The following DOCK7 variants were observed in gnomAD, a reference collection of about 807,000 sequenced individuals.
DOCK7 encodes the protein dedicator of cytokinesis protein 7.
A neutral mutation model predicts 271.0 loss-of-function variants in DOCK7; 138 were observed. That is an observed-to-expected ratio of 0.51 (90% CI 0.44 to 0.59). DOCK7 has a LOEUF of 0.59. Among genes scored for constraint, DOCK7 ranks in the 20% least tolerant of loss-of-function variants. DOCK7 has a pLI of 0.00. For missense variants in DOCK7, 2,066 were observed against 2,592.4 expected, an observed-to-expected ratio of 0.80 and a Z score of 4.41; for synonymous variants, 823 against 876.1, an observed-to-expected ratio of 0.94 and a Z score of 1.07.
chr1:62,550,875 C>T (rs942378773), intron 22 of DOCK7, among the ~76,000 whole-genome samples: 81 of 152,126 alleles, frequency 5.3e-4, no homozygotes, highest in Admixed American at 2.5e-3. Flanking sequence ...CATCTGCCGC[C>T]GTGCCTGGCT....
intron 1 of DOCK7, among the ~76,000 whole-genome samples, chr1:62,681,626 C>T (rs1432863115): frequency 6.6e-6 from 1 of 150,854 alleles, no homozygotes; most frequent in Admixed American, 6.6e-5. Flanking sequence ...CCTAGAGAAA[C>T]TCATGCATAT....
At chr1:62,652,845 T>C (rs1468860958) in intron 4 of DOCK7, among the ~76,000 whole-genome samples, 1 of 152,192 alleles carries the variant, frequency 6.6e-6, no homozygotes, top group Non-Finnish European at 1.5e-5. Context: ...ACAGCTCTTC[T>C]ATATAAAGGG....
At chr1:62,625,453 T>G in intron 11 of DOCK7, 52 bp from the exon 12 acceptor site, 1 of 1,529,578 alleles carries the variant, frequency 6.5e-7, no homozygotes, top group East Asian at 2.3e-5. Context: ...AAATTTTGTT[T>G]TAAAGTAGCT....
intron 1 of DOCK7, among the ~76,000 whole-genome samples, chr1:62,670,940 T>C (rs943336874): frequency 6.6e-5 from 10 of 152,174 alleles, no homozygotes; most frequent in African/African-American, 2.4e-4. Context: ...ACGCTGCTTT[T>C]ATGAGCTGTA....
intron 31 of DOCK7, among the ~76,000 whole-genome samples, chr1:62,526,259 T>C (rs539674145): frequency 2.0e-5 from 3 of 152,172 alleles, no homozygotes; most frequent in African/African-American, 4.8e-5. Flanking sequence ...AAGATTTGAA[T>C]AGACTTTTCT....
chr1:62,477,777 C>T lies in DOCK7; in HGVS notation c.5557G>A (p.Gly1853Arg), dbSNP rs763417110. The T allele has an allele frequency of 1.8e-5, 29 of 1,611,430 alleles. No homozygotes were observed. The highest frequency in any genetic ancestry group is 1.3e-4 in the East Asian group (6 of 44,732). ...FRVGFYGTKF[G>R]DLDEQEFVYK... ...ACAAATTCTTGTTCATCCAAATCCC[C>T]GAACTTGGTTCCATAAAAACCAACA... Residue 1853 changes from glycine (G) to arginine (R), a missense_variant, in exon 44 of 50, where the codon GGG becomes AGG. Around this residue, in one of 2 missense-constraint regions of DOCK7, gnomAD observed 652 missense variants for 922.1 expected, o/e 0.71. Transcript: ENST00000635253.
chr1:62,475,952 GAA>G lies in DOCK7; in HGVS notation c.5725-11_5725-10del. 1 of 1,608,088 alleles carries G rather than the reference GAA, an allele frequency of 6.2e-7. No individual in the cohort carries two copies. Among genetic ancestry groups the G allele is most frequent in the African/African-American group, 1.3e-5 (1 of 74,642 alleles). On this transcript the variant is annotated splice_polypyrimidine_tract_variant and intron_variant, in intron 45 of 49. Transcript: ENST00000635253. ...GTAATCTGAATATATGCCTAGGAAA[GAA>G]AAAAGTCCTTCATTTCCTCACTGTT...
chr1:62,568,973 CAAGT>C (rs1250915162), intron 18 of DOCK7, among the ~76,000 whole-genome samples: 2 of 152,044 alleles, frequency 1.3e-5, no homozygotes, highest in Non-Finnish European at 1.5e-5. Context: ...CACCTCTCTG[CAAGT>C]AAGTTAGAAA....
chr1:62,602,176 T>G, intron 14 of DOCK7: 1 of 886,858 alleles, frequency 1.1e-6, no homozygotes. Flanking sequence ...ATAACATTAA[T>G]AAACTACCTT....
At chr1:62,582,977 A>G (rs1024606317) in intron 16 of DOCK7, among the ~76,000 whole-genome samples, 3 of 152,266 alleles carry the variant, frequency 2.0e-5, no homozygotes, top group Admixed American at 1.3e-4. Flanking sequence ...AGAGAATTCG[A>G]TAGAAAAGAT....
At position 62,586,628 on chromosome 1, in the gene DOCK7, T is replaced by C. The variant is rs760576100; in HGVS notation, c.1683-4A>G. 2.9e-5 allele frequency: 45 copies of C among 1,550,566 alleles called. No individual in the cohort carries two copies. The highest frequency in any genetic ancestry group is 3.6e-6 in the Non-Finnish European group (4 of 1,125,242). On this transcript the variant is annotated splice_region_variant and splice_polypyrimidine_tract_variant and intron_variant, in intron 14 of 49. Coordinates refer to ENST00000635253, the MANE Select transcript of DOCK7 (RefSeq NM_001367561.1). The stretch of plus-strand genomic sequence containing the variant: ...AGGGTATATGTAGAGAAGATTTCTG[T>C]GAAAGCAACAGTATAGATGATAGTA...
intron 14 of DOCK7, among the ~76,000 whole-genome samples, chr1:62,590,301 A>C (rs1648245205): frequency 6.6e-6 from 1 of 152,340 alleles, no homozygotes; most frequent in Middle Eastern, 3.4e-3. Context: ...GAATTTTGGA[A>C]GTCTTTTAAA....
intron 4 of DOCK7, among the ~76,000 whole-genome samples, chr1:62,650,007 G>C (rs1283296273): frequency 6.6e-6 from 1 of 152,082 alleles, no homozygotes; most frequent in African/African-American, 2.4e-5. Flanking sequence ...CCCAACACTT[G>C]GGGAGGCTGA....
At chr1:62,677,175 C>T (rs1660628378) in intron 1 of DOCK7, among the ~76,000 whole-genome samples, 2 of 152,162 alleles carry the variant, frequency 1.3e-5, no homozygotes, top group South Asian at 4.1e-4. Context: ...AGAAACCCTT[C>T]TTTGGTAAGG....
chr1:62,620,375 A>G (rs944352377), intron 12 of DOCK7, among the ~76,000 whole-genome samples: 6 of 151,784 alleles, frequency 4.0e-5, no homozygotes, highest in Non-Finnish European at 7.4e-5. Flanking sequence ...ATAAATTTAT[A>G]GTTTGTTAGT....
chr1:62,625,513 T>C, intron 11 of DOCK7, 112 bp from the exon 12 acceptor site: 1 of 1,046,366 alleles, frequency 9.6e-7, no homozygotes, highest in South Asian at 1.7e-5. Flanking sequence ...CCACTCAGCA[T>C]ATCAAGTATA....
At position 62,529,458 on chromosome 1, in the gene DOCK7, G is replaced by T. The variant is rs1489418157; in HGVS notation, c.3612-12C>A. On this transcript the variant is annotated splice_polypyrimidine_tract_variant and intron_variant, in intron 29 of 49. Transcript: ENST00000635253. ...GCAATCCAAACAGTCTATTTAAAAA[G>T]AAGAAGACAAAGAAGAAAAAGCAGT... 1.3e-6 allele frequency: 2 copies of T among 1,588,476 alleles called. No homozygotes were observed. Among genetic ancestry groups the T allele is most frequent in the Non-Finnish European group, 1.7e-6 (2 of 1,168,768 alleles).
In DOCK7 at chr1:62,618,690, A is replaced by G. The variant is rs567488973; in HGVS notation, c.1682+16T>C. 2.2e-5 allele frequency: 35 copies of G among 1,603,822 alleles called. No individual in the cohort carries two copies. Among genetic ancestry groups the G allele is most frequent in the Admixed American group, 2.0e-4 (12 of 59,824 alleles). On this transcript the variant is annotated intron_variant, in intron 14 of 49. Coordinates refer to ENST00000635253, the MANE Select transcript of DOCK7 (RefSeq NM_001367561.1). ...CAGTATCTTCTATCAGAATTCTCCA[A>G]ATTAAAATCTCTTACCTGTAAGTAG...
chr1:62,594,963 T>C (rs1217588396), intron 14 of DOCK7, among the ~76,000 whole-genome samples: 2 of 152,148 alleles, frequency 1.3e-5, no homozygotes, highest in Admixed American at 1.3e-4. Context: ...CAACTGTAAC[T>C]TTTCTATTTA....
Sources: allele counts gnomAD v4.1 joint callset (sites outside exome capture counted in the v4.1 genomes callset), GRCh38; gene constraint gnomAD v4.1.1; regional missense constraint gnomAD v4.1.1; transcripts MANE v1.5; gene names NCBI Gene and HGNC (gene_info 2026-07-23, HGNC 2026-07-21).